The following PHF24 variants were observed in gnomAD, a reference collection of about 807,000 sequenced individuals.
PHF24 encodes Galpha inhibitory interacting protein.
A neutral mutation model predicts 42.6 loss-of-function variants in PHF24; 25 were observed. The observed-to-expected ratio is 0.59, with a 90% CI of 0.43 to 0.82. The LOEUF is 0.82. Ranked by LOEUF, PHF24 falls within the 40% of genes least tolerant of loss-of-function variation. The pLI, the probability that PHF24 is intolerant of heterozygous loss-of-function variation, is 0.00. For missense variants in PHF24, 470 were observed against 538.1 expected (o/e 0.87, Z 1.25); for synonymous variants, 185 against 204.8 (o/e 0.90, Z 0.83).
chr9:34,978,036 C>A, exon 8 of PHF24: 1 of 1,614,146 alleles, frequency 6.2e-7, no homozygotes, highest in Non-Finnish European at 8.5e-7. Flanking sequence ...GGCCTACCTT[C>A]CTGCAAGAGA....
chr9:34,875,944 A>ACCCTCTCTCTCTCTCT, the PHF24 span, among the ~76,000 whole-genome samples: 1 of 85,588 alleles, frequency 1.2e-5, no homozygotes, highest in African/African-American at 5.2e-5. Flanking sequence ...ACACACACAC[A>ACCCTCTCTCTCTCTCT]CACACACTCT....
chr9:34,930,109 T>A, the PHF24 span, among the ~76,000 whole-genome samples: 1 of 152,264 alleles, frequency 6.6e-6, no homozygotes, highest in South Asian at 2.1e-4. Flanking sequence ...AGAAGAAAAA[T>A]TGTTGATCAT....
chr9:34,857,075 T>C, the PHF24 span, among the ~76,000 whole-genome samples: 12 of 152,236 alleles, frequency 7.9e-5, 1 homozygote, highest in South Asian at 2.5e-3. Context: ...TGTGAGGAAC[T>C]CCTCCCCATC....
the PHF24 span, among the ~76,000 whole-genome samples, chr9:34,925,138 T>G: frequency 6.6e-6 from 1 of 152,200 alleles, no homozygotes; most frequent in Non-Finnish European, 1.5e-5. Flanking sequence ...TATTCTTGAC[T>G]AGCAGGATTT....
the PHF24 span, among the ~76,000 whole-genome samples, chr9:34,947,469 A>T: frequency 2.6e-5 from 4 of 152,242 alleles, no homozygotes; most frequent in Non-Finnish European, 5.9e-5. Context: ...AATACTTGCT[A>T]GTGATAATAA....
At chr9:34,720,108 T>C in the PHF24 span, among the ~76,000 whole-genome samples, 1 of 152,144 alleles carries the variant, frequency 6.6e-6, no homozygotes, top group Admixed American at 6.5e-5. Context: ...TGAGTGATCC[T>C]GGGTTTCCGT....
chr9:34,830,304 A>G, the PHF24 span, among the ~76,000 whole-genome samples: 6 of 152,260 alleles, frequency 3.9e-5, no homozygotes, highest in East Asian at 9.6e-4. Context: ...CCCTTTGTTC[A>G]TGTTTATCAT....
At chr9:34,886,742 ATCTATCTATCTATCTG>A in the PHF24 span, among the ~76,000 whole-genome samples, 1 of 107,758 alleles carries the variant, frequency 9.3e-6, no homozygotes, top group African/African-American at 3.6e-5. Flanking sequence ...TTTTATATCT[ATCTATCTATCTATCTG>A]TCTGTCTGTC....
At chr9:34,802,539 AT>A in the PHF24 span, among the ~76,000 whole-genome samples, 1 of 152,242 alleles carries the variant, frequency 6.6e-6, no homozygotes, top group Admixed American at 6.5e-5. Context: ...TTAAAAAAAT[AT>A]TGAAAACTCT....
chr9:34,705,700 C>T, the PHF24 span, among the ~76,000 whole-genome samples: 19 of 152,242 alleles, frequency 1.2e-4, 1 homozygote, highest in South Asian at 4.2e-4. Flanking sequence ...CCCTGAACTC[C>T]GATTTGTTTT....
At chr9:34,933,607 C>A in the PHF24 span, among the ~76,000 whole-genome samples, 99 of 151,516 alleles carry the variant, frequency 6.5e-4, no homozygotes, top group Admixed American at 1.0e-3. Flanking sequence ...CACCTGTAGT[C>A]CCAGCTACTC....
At chr9:34,870,767 C>T in the PHF24 span, among the ~76,000 whole-genome samples, 7 of 152,194 alleles carry the variant, frequency 4.6e-5, no homozygotes, top group South Asian at 2.1e-4. Flanking sequence ...GACCACCTTC[C>T]GTGTCTTTTC....
the PHF24 span, chr9:34,709,456 GCTGA>G: frequency 6.2e-7 from 1 of 1,613,286 alleles, no homozygotes; most frequent in Admixed American, 1.7e-5. Flanking sequence ...GGTGTGAGGG[GCTGA>G]CTGAGGCTCC....
At chr9:34,973,747 C>T (rs569589049) in intron 3 of PHF24, among the ~76,000 whole-genome samples, 14 of 152,308 alleles carry the variant, frequency 9.2e-5, no homozygotes, top group African/African-American at 3.4e-4. Flanking sequence ...CCTGCTGTAC[C>T]GGCGACCTTC....
the PHF24 span, among the ~76,000 whole-genome samples, chr9:34,780,300 T>C: frequency 2.3e-4 from 18 of 76,812 alleles, no homozygotes; most frequent in South Asian, 8.2e-4. Context: ...CTTTTTTTCT[T>C]TTTTTTTTTT....
the PHF24 span, among the ~76,000 whole-genome samples, chr9:34,734,218 G>A: frequency 2.6e-5 from 4 of 152,130 alleles, no homozygotes; most frequent in Non-Finnish European, 5.9e-5. Context: ...ATTTGGAGCC[G>A]ACTCCCCCAC....
the PHF24 span, among the ~76,000 whole-genome samples, chr9:34,880,951 T>G: frequency 6.6e-6 from 1 of 152,190 alleles, no homozygotes; most frequent in Non-Finnish European, 1.5e-5. Flanking sequence ...GACCACATAG[T>G]TGGAAGTAAA....
At chr9:34,961,593 G>A (rs1026317613) in intron 1 of PHF24, among the ~76,000 whole-genome samples, 8 of 152,182 alleles carry the variant, frequency 5.3e-5, no homozygotes, top group African/African-American at 1.9e-4. Context: ...AAGTAAGGGG[G>A]AAATTATGGC....
chr9:34,801,087 A>C, the PHF24 span, among the ~76,000 whole-genome samples: 2 of 152,260 alleles, frequency 1.3e-5, no homozygotes, highest in Non-Finnish European at 2.9e-5. Flanking sequence ...GTCATCAAAG[A>C]AATGCAAATC....
Sources: gnomAD v4.1 joint callset for allele counts (sites outside exome capture counted in the v4.1 genomes callset) on GRCh38, gnomAD v4.1.1 for gene constraint, MANE v1.5 for transcripts, NCBI Gene and HGNC (gene_info 2026-07-23, HGNC 2026-07-21) for gene names.